The following GSDMC variants were observed in gnomAD, a reference collection of about 807,000 sequenced individuals.
The protein encoded by GSDMC is gasdermin C.
A neutral mutation model predicts 58.0 loss-of-function variants in GSDMC; 59 were observed. The observed-to-expected ratio is 1.02, with a 90% CI of 0.82 to 1.26. The LOEUF is 1.26. Ranked by LOEUF, GSDMC falls within the 50% of genes most tolerant of loss-of-function variation. The probability of loss-of-function intolerance (pLI) is 0.00; values close to 1 mark genes in which losing one functional copy is unlikely to be tolerated. For missense variants in GSDMC, 659 were observed against 598.5 expected (o/e 1.10, Z -1.06); for synonymous variants, 241 against 220.2 (o/e 1.09, Z -0.83).
chr8:129,750,565 T>G lies in GSDMC; in HGVS notation c.949A>C (p.Lys317Gln). Residue 317 changes from lysine to glutamine, a missense_variant, in exon 11 of 14, where the codon AAG becomes CAG. Transcript: ENST00000276708. ...TGGAAAACCTCCTCTTGTAGATGCT[T>G]GAAATCTGCTCTCAGGCATCAACGC... is the stretch of plus-strand genomic sequence containing the variant. Reference protein sequence around the residue: ...RIEEPFWQNFKHLQEEVFQKI... With the variant: ...RIEEPFWQNFQHLQEEVFQKI... The G allele has an allele frequency of 1.2e-6, 2 of 1,613,862 alleles. No homozygotes were observed. Among genetic ancestry groups the G allele is most frequent in the East Asian group, 4.5e-5 (2 of 44,888 alleles).
At chr8:129,710,486 C>G in the GSDMC span, among the ~76,000 whole-genome samples, 1 of 152,166 alleles carries the variant, frequency 6.6e-6, no homozygotes, top group African/African-American at 2.4e-5. Context: ...GAATCAGGGT[C>G]CTGGGCTTTT....
At chr8:129,724,800 G>A in the GSDMC span, among the ~76,000 whole-genome samples, 1 of 152,100 alleles carries the variant, frequency 6.6e-6, no homozygotes, top group African/African-American at 2.4e-5. Context: ...CCTTACTGGG[G>A]TGGGAGGGAG....
chr8:129,711,481 C>T, the GSDMC span, among the ~76,000 whole-genome samples: 4 of 152,078 alleles, frequency 2.6e-5, no homozygotes, highest in African/African-American at 9.7e-5. Flanking sequence ...AAACAGAGAC[C>T]ATTTTTTCTT....
At chr8:129,734,688 G>A in the GSDMC span, among the ~76,000 whole-genome samples, 1 of 152,118 alleles carries the variant, frequency 6.6e-6, no homozygotes, top group Admixed American at 6.6e-5. Flanking sequence ...AGGAACAACT[G>A]GTACCAGACA....
intron 6 of GSDMC, among the ~76,000 whole-genome samples, chr8:129,757,889 G>T (rs939749802): frequency 6.6e-6 from 1 of 152,254 alleles, no homozygotes; most frequent in South Asian, 2.1e-4. Context: ...CTACTTGGGG[G>T]CTGAGGTGGG....
the GSDMC span, among the ~76,000 whole-genome samples, chr8:129,711,782 CA>C: frequency 6.6e-6 from 1 of 152,222 alleles, no homozygotes; most frequent in Non-Finnish European, 1.5e-5. Flanking sequence ...ATTTAGTCCT[CA>C]TACTACCATT....
chr8:129,729,127 A>G, the GSDMC span: 1 of 653,424 alleles, frequency 1.5e-6, no homozygotes, highest in Non-Finnish European at 2.9e-6. Flanking sequence ...AAGTAACTGC[A>G]GGAGTTGGAA....
At chr8:129,745,482 T>C (rs1403247819), downstream of GSDMC, among the ~76,000 whole-genome samples, 5 of 151,776 alleles carry the variant, frequency 3.3e-5, no homozygotes, top group African/African-American at 4.9e-5. Flanking sequence ...TGTGCTCAAA[T>C]GATTGTCTTC....
chr8:129,730,205 AG>A, the GSDMC span: 1 of 1,235,726 alleles, frequency 8.1e-7, no homozygotes, highest in Non-Finnish European at 1.1e-6. Flanking sequence ...TGTATCTAGA[AG>A]AAGAAATGAA....
the GSDMC span, among the ~76,000 whole-genome samples, chr8:129,731,082 G>A: frequency 6.6e-6 from 1 of 152,070 alleles, no homozygotes; most frequent in East Asian, 1.9e-4. Flanking sequence ...TACCCAGCCA[G>A]GAGACAGAAA....
At chr8:129,753,593 C>A (rs111504768) in intron 6 of GSDMC, among the ~76,000 whole-genome samples, 2,645 of 152,282 alleles carry the variant, frequency 0.017, 40 homozygotes, top group South Asian at 0.043. Context: ...GTGAAAGACT[C>A]CTTCTGTTTG....
the GSDMC span, among the ~76,000 whole-genome samples, chr8:129,719,451 G>C: frequency 6.6e-6 from 1 of 152,142 alleles, no homozygotes; most frequent in Non-Finnish European, 1.5e-5. Flanking sequence ...CACTAACTCA[G>C]TAATTAATCA....
Position 129,786,367 on chromosome 8 carries a change from C to T in GSDMC, c.-361G>A, listed in dbSNP as rs2034556026. Reference sequence around the variant, plus strand: ...AAAATAGCACAATTGAGTAGGGCCCCTTCCAATCTTCAGACCTCCTGCGGT... The same window carrying T: ...AAAATAGCACAATTGAGTAGGGCCCTTTCCAATCTTCAGACCTCCTGCGGT... On this transcript the variant is annotated 5_prime_UTR_variant, in exon 1 of 14. Coordinates refer to ENST00000276708, the MANE Select transcript of GSDMC (RefSeq NM_031415.3). 2 of 152,162 alleles carry T rather than the reference C, an allele frequency of 1.3e-5. No individual in the cohort carries two copies. Among genetic ancestry groups the T allele is most frequent in the South Asian group, 4.1e-4 (2 of 4,820 alleles). 9.4% of individuals were successfully genotyped at this position (152,162 alleles called of 1,614,324 possible). A position where few individuals can be genotyped will look rare whatever the true frequency, so the allele number is the denominator to read the frequency against.
rs1181284910 is a variant in GSDMC, at chr8:129,782,957, G to A, written c.-5+3054C>T. The stretch of plus-strand genomic sequence containing the variant: ...GATGAATATTGATGGAAACATCCTC[G>A]ACAAAATACTAGGAAACCAAATTCA... On this transcript the variant is annotated intron_variant, in intron 1 of 13. Transcript: ENST00000276708. 4.8e-5 allele frequency among the ~76,000 whole-genome samples: 7 copies of A among 147,126 alleles called. No individual in the cohort carries two copies. The East Asian group carries it at 9.7e-4, about 20-fold the overall frequency.
chr8:129,748,760 G>T lies in GSDMC; in HGVS notation c.1288-20C>A, dbSNP rs765875845. ...CCTTACCTAGAAGAAAGATGATCAG[G>T]TTCTACAGACCAGCCTTTAAGATGA... is the stretch of plus-strand genomic sequence containing the variant. On this transcript the variant is annotated intron_variant, in intron 13 of 13. Transcript: ENST00000276708. 1 of 1,496,464 alleles carries T rather than the reference G, an allele frequency of 6.7e-7. No individual in the cohort carries two copies. Among genetic ancestry groups the T allele is most frequent in the Non-Finnish European group, 8.9e-7 (1 of 1,124,644 alleles). The allele number at this position is 1,496,464 out of a possible 1,614,324, so 92.7% of individuals were successfully genotyped here. A position where few individuals can be genotyped will look rare whatever the true frequency, so the allele number is the denominator to read the frequency against.
intron 6 of GSDMC, among the ~76,000 whole-genome samples, chr8:129,759,868 C>T (rs998061914): frequency 2.6e-5 from 4 of 152,114 alleles, no homozygotes; most frequent in African/African-American, 9.7e-5. Flanking sequence ...TGGGTATATA[C>T]ACCAAAAGGC....
intron 6 of GSDMC, 105 bp from the exon 7 acceptor site, chr8:129,752,925 T>C (rs2033273135): frequency 1.3e-6 from 2 of 1,545,796 alleles, no homozygotes; most frequent in South Asian, 2.4e-5. Context: ...TCAGTGCCAG[T>C]GCACGAAGGG....
chr8:129,769,622 A>G (rs2033985403), intron 3 of GSDMC, among the ~76,000 whole-genome samples: 1 of 152,156 alleles, frequency 6.6e-6, no homozygotes, highest in Admixed American at 6.5e-5. Flanking sequence ...ACTCCCACAA[A>G]AACTACCCAA....
intron 3 of GSDMC, among the ~76,000 whole-genome samples, chr8:129,765,998 T>G (rs1008115144): frequency 6.6e-6 from 1 of 152,168 alleles, no homozygotes; most frequent in Non-Finnish European, 1.5e-5. Context: ...GGTTCGGGTG[T>G]GAGAGTATAT....
Sources: gnomAD v4.1 joint callset for allele counts (sites outside exome capture counted in the v4.1 genomes callset) on GRCh38, gnomAD v4.1.1 for gene constraint, MANE v1.5 for transcripts, NCBI Gene and HGNC (gene_info 2026-07-23, HGNC 2026-07-21) for gene names.